Variants in TENM2 observed in about 807,000 individuals in gnomAD.
The protein encoded by TENM2 is teneurin-2.
A neutral mutation model predicts 245.2 loss-of-function variants in TENM2; 52 were observed. That is an observed-to-expected ratio of 0.21 (90% CI 0.17 to 0.27). The LOEUF (loss-of-function observed/expected upper bound fraction) is 0.27, where lower values mean the gene tolerates loss of function less well. TENM2 is among the 10% of genes least tolerant of loss of function. The pLI, the probability that TENM2 is intolerant of heterozygous loss-of-function variation, is 1.00. For synonymous variants in TENM2, 1,363 were observed against 1,438.9 expected (o/e 0.95, Z 1.19); for missense variants, 3,046 against 3,666.8 (o/e 0.83, Z 4.37).
At chr5:167,523,472 C>T (rs891951) in intron 2 of TENM2, among the ~76,000 whole-genome samples, 63,080 of 151,894 alleles carry the variant, frequency 0.42, 14,872 homozygotes, top group South Asian at 0.53. Context: ...TTCAGTGAGC[C>T]AACGTCAAAT....
intron 25 of TENM2, among the ~76,000 whole-genome samples, chr5:168,228,591 ATGTTCTTTGCACT>A (rs1460801141): frequency 7.0e-6 from 1 of 142,574 alleles, no homozygotes; most frequent in Non-Finnish European, 1.6e-5. Flanking sequence ...CTTTTAAAGT[ATGTTCTTTGCACT>A]CAAGGAATTG....
chr5:167,748,230 C>T (rs1761720877), intron 2 of TENM2, among the ~76,000 whole-genome samples: 1 of 152,172 alleles, frequency 6.6e-6, no homozygotes, highest in South Asian at 2.1e-4. Context: ...TTCCACCCTA[C>T]ATTTTGGTCA....
At chr5:168,245,451 A>G (rs879764887) in intron 26 of TENM2, among the ~76,000 whole-genome samples, 7 of 151,728 alleles carry the variant, frequency 4.6e-5, no homozygotes, top group Non-Finnish European at 1.0e-4. Context: ...ACACAGAGCA[A>G]CCCTCTCCTA....
chr5:167,085,371 A>C, the TENM2 span, among the ~76,000 whole-genome samples: 4 of 152,214 alleles, frequency 2.6e-5, no homozygotes, highest in Non-Finnish European at 5.9e-5. Flanking sequence ...GTAGCCTGAG[A>C]GAGTGTACTT....
intron 2 of TENM2, among the ~76,000 whole-genome samples, chr5:167,558,678 G>A (rs1197950489): frequency 1.3e-5 from 2 of 152,134 alleles, no homozygotes; most frequent in East Asian, 1.9e-4. Flanking sequence ...ATCTAGTTAC[G>A]GGAAAACAAG....
intron 2 of TENM2, among the ~76,000 whole-genome samples, chr5:167,627,705 C>T (rs59355279): frequency 0.044 from 6,689 of 151,838 alleles, 263 homozygotes; most frequent in African/African-American, 0.11. Context: ...CTATAGGTGC[C>T]CACCGCCATG....
chr5:167,664,259 G>T (rs1755428931), intron 2 of TENM2, among the ~76,000 whole-genome samples: 1 of 152,164 alleles, frequency 6.6e-6, no homozygotes, highest in South Asian at 2.1e-4. Context: ...CTTGGCCTGA[G>T]GATAGGCCTG....
chr5:167,082,985 T>C, the TENM2 span, among the ~76,000 whole-genome samples: 1 of 151,868 alleles, frequency 6.6e-6, no homozygotes, highest in African/African-American at 2.4e-5. Context: ...GGAAAGACGG[T>C]TGGGAAATAT....
At chr5:167,000,890 C>T in the TENM2 span, among the ~76,000 whole-genome samples, 1 of 152,100 alleles carries the variant, frequency 6.6e-6, no homozygotes, top group Non-Finnish European at 1.5e-5. Context: ...GGCCAGTGGA[C>T]CTTCTTGAGG....
chr5:167,748,766 A>G (rs769662438), intron 2 of TENM2, among the ~76,000 whole-genome samples: 4 of 152,076 alleles, frequency 2.6e-5, no homozygotes, highest in Non-Finnish European at 5.9e-5. Context: ...CCAAACACTT[A>G]AAACCATCAG....
the TENM2 span, among the ~76,000 whole-genome samples, chr5:167,218,637 G>A: frequency 6.6e-6 from 1 of 151,826 alleles, no homozygotes; most frequent in Admixed American, 6.6e-5. Context: ...ATCTTTCCAG[G>A]GGTGTTACTA....
At chr5:167,256,680 G>A in the TENM2 span, among the ~76,000 whole-genome samples, 1 of 151,994 alleles carries the variant, frequency 6.6e-6, no homozygotes, top group East Asian at 1.9e-4. Context: ...CTTTTGTTTG[G>A]CTGTTAATCT....
At chr5:167,804,542 C>A (rs1308607350) in intron 2 of TENM2, among the ~76,000 whole-genome samples, 4 of 152,062 alleles carry the variant, frequency 2.6e-5, no homozygotes, top group Non-Finnish European at 5.9e-5. Flanking sequence ...GTTTTATTTC[C>A]TTTACGTGCA....
intron 2 of TENM2, among the ~76,000 whole-genome samples, chr5:167,712,533 T>C (rs1758977804): frequency 6.6e-6 from 1 of 152,236 alleles, no homozygotes; most frequent in South Asian, 2.1e-4. Flanking sequence ...TCCCCTTTGT[T>C]AAAAAGTTTT....
the TENM2 span, among the ~76,000 whole-genome samples, chr5:167,243,838 G>A: frequency 6.6e-6 from 1 of 152,098 alleles, no homozygotes; most frequent in Admixed American, 6.6e-5. Flanking sequence ...CCTTCACAAA[G>A]TATCTCTGCC....
chr5:168,044,197 C>T (rs866926270), intron 5 of TENM2, among the ~76,000 whole-genome samples: 11 of 152,242 alleles, frequency 7.2e-5, no homozygotes, highest in African/African-American at 2.4e-4. Flanking sequence ...GGGTGGATCA[C>T]GAGGTCAGGA....
intron 1 of TENM2, among the ~76,000 whole-genome samples, chr5:167,366,832 T>C (rs1007369066): frequency 6.6e-6 from 1 of 152,156 alleles, no homozygotes; most frequent in Non-Finnish European, 1.5e-5. Flanking sequence ...GAGTCTCATA[T>C]AGTCAGGTGA....
chr5:168,003,675 T>A (rs1784586561), intron 5 of TENM2, among the ~76,000 whole-genome samples: 1 of 152,210 alleles, frequency 6.6e-6, no homozygotes, highest in Non-Finnish European at 1.5e-5. Flanking sequence ...TTGGAGGTGC[T>A]GTTTCGCCAC....
At chr5:167,094,841 G>T in the TENM2 span, among the ~76,000 whole-genome samples, 1 of 152,080 alleles carries the variant, frequency 6.6e-6, no homozygotes, top group Non-Finnish European at 1.5e-5. Flanking sequence ...TCTGCAAAAT[G>T]AATTTTTCTT....
Sources: allele counts gnomAD v4.1 joint callset (sites outside exome capture counted in the v4.1 genomes callset), GRCh38; gene constraint gnomAD v4.1.1; transcripts MANE v1.5; gene names NCBI Gene and HGNC (gene_info 2026-07-23, HGNC 2026-07-21).